ODAD4: variants seen among roughly 807,000 people sequenced by gnomAD.
ODAD4 encodes the protein outer dynein arm docking complex subunit 4.
In ODAD4, 49 loss-of-function variants were observed where a neutral mutation model predicts 51.8. The observed-to-expected ratio is 0.95, with a 90% confidence interval of 0.75 to 1.20. The LOEUF is 1.20. Ranked by LOEUF, ODAD4 falls within the 50% of genes most tolerant of loss-of-function variation. The pLI is 0.00. For synonymous variants in ODAD4, 235 were observed against 221.3 expected, an observed-to-expected ratio of 1.06 and a Z score of -0.55; for missense variants, 590 against 586.5, an observed-to-expected ratio of 1.01 and a Z score of -0.06.
At chr17:41,938,834 G>A in intron 6 of ODAD4, 53 bp downstream of exon 6, 1 of 1,591,252 alleles carries the variant, frequency 6.3e-7, no homozygotes. Context: ...CTTATCAGGT[G>A]GGGAAGGAGC....
intron 9 of ODAD4, among the ~76,000 whole-genome samples, chr17:41,954,195 C>G (rs372820633): frequency 7.2e-5 from 11 of 151,994 alleles, no homozygotes; most frequent in African/African-American, 2.7e-4. Flanking sequence ...CCATGTTGGC[C>G]AGGGTGGTCT....
At chr17:41,940,060 G>A (rs74553025) in intron 7 of ODAD4, among the ~76,000 whole-genome samples, 7,873 of 152,190 alleles carry the variant, frequency 0.052, 233 homozygotes, top group East Asian at 0.11. Context: ...ACTTCCACCC[G>A]GAGGTTCCAT....
intron 11 of ODAD4, among the ~76,000 whole-genome samples, chr17:41,961,772 G>A (rs1555641786): frequency 6.6e-6 from 1 of 152,192 alleles, no homozygotes; most frequent in Non-Finnish European, 1.5e-5. Context: ...TGGGGAGAGA[G>A]GCCCATCCCT....
intron 5 of ODAD4, among the ~76,000 whole-genome samples, chr17:41,937,310 T>C (rs2050442921): frequency 1.3e-5 from 2 of 152,238 alleles, no homozygotes; most frequent in East Asian, 3.8e-4. Context: ...TGTGCTTAAA[T>C]CCGAGGATAT....
chr17:41,953,977 G>T (rs1409282407), intron 9 of ODAD4, among the ~76,000 whole-genome samples: 4 of 150,448 alleles, frequency 2.7e-5, no homozygotes, highest in African/African-American at 9.8e-5. Context: ...ATGTATGTAT[G>T]TATTTATTTT....
chr17:41,936,063 C>T (rs539727698), intron 3 of ODAD4, among the ~76,000 whole-genome samples: 2 of 152,350 alleles, frequency 1.3e-5, no homozygotes, highest in Admixed American at 6.5e-5. Flanking sequence ...AGCTATAATG[C>T]GGTCCTGAGC....
intron 7 of ODAD4, among the ~76,000 whole-genome samples, chr17:41,939,955 A>G (rs4796743): frequency 0.88 from 134,420 of 152,164 alleles, 59,746 homozygotes; most frequent in East Asian, 1. Context: ...AGGATGAAAT[A>G]CAGAAGTACC....
chr17:41,939,224 G>A, intron 7 of ODAD4, 52 bp downstream of exon 7: 1 of 1,527,596 alleles, frequency 6.5e-7, no homozygotes, highest in South Asian at 1.2e-5. Flanking sequence ...AAGGACACCT[G>A]GGGCTATCTG....
At chr17:41,964,024 G>C (rs148682446) in intron 11 of ODAD4, among the ~76,000 whole-genome samples, 2 of 151,820 alleles carry the variant, frequency 1.3e-5, no homozygotes, top group African/African-American at 4.8e-5. Flanking sequence ...AGCCTCCTGA[G>C]TAGCTGGGAC....
intron 11 of ODAD4, among the ~76,000 whole-genome samples, chr17:41,963,772 C>CT (rs544280636): frequency 0.038 from 4,396 of 115,216 alleles, 393 homozygotes; most frequent in African/African-American, 0.084. Flanking sequence ...GCCACTGTGC[C>CT]TTTTTTTTTT....
At chr17:41,964,557 T>C (rs1354330060) in intron 11 of ODAD4, among the ~76,000 whole-genome samples, 1 of 152,226 alleles carries the variant, frequency 6.6e-6, no homozygotes, top group Non-Finnish European at 1.5e-5. Context: ...TTTAAAGAGC[T>C]GGCAAAAACA....
chr17:41,937,621 C>T (rs2050446328), intron 5 of ODAD4, among the ~76,000 whole-genome samples: 1 of 152,234 alleles, frequency 6.6e-6, no homozygotes. Flanking sequence ...TAGGCGCCCA[C>T]AACCACATCC....
At chr17:41,930,956 C>T (rs1055216620) in intron 1 of ODAD4, 119 bp downstream of exon 1, 7 of 598,236 alleles carry the variant, frequency 1.2e-5, no homozygotes, top group South Asian at 1.0e-4. Context: ...TGCAATGGCA[C>T]GATCTCGGCT....
chr17:41,944,391 T>TACACACACACACACACACAC (rs1158342629), intron 7 of ODAD4, among the ~76,000 whole-genome samples: 4 of 78,704 alleles, frequency 5.1e-5, no homozygotes, highest in Non-Finnish European at 7.0e-5. Context: ...CAAACACACA[T>TACACACACACACACACACAC]ACACACACAC....
intron 7 of ODAD4, among the ~76,000 whole-genome samples, chr17:41,944,436 ACACACACAC>A (rs1165232174): frequency 7.7e-3 from 31 of 4,048 alleles, no homozygotes; most frequent in African/African-American, 0.014. Context: ...ACACACACAC[ACACACACAC>A]CCCCCCGCAT....
intron 11 of ODAD4, among the ~76,000 whole-genome samples, chr17:41,963,791 A>C (rs1335279565): frequency 8.8e-6 from 1 of 113,678 alleles, no homozygotes; most frequent in Admixed American, 9.2e-5. Context: ...TTTGAAATGG[A>C]GTCTCCCCTC....
At chr17:41,945,032 G>T in intron 7 of ODAD4, 104 bp from the exon 8 acceptor site, 1 of 871,718 alleles carries the variant, frequency 1.1e-6, no homozygotes, top group South Asian at 1.6e-5. Context: ...CTGAAACCCT[G>T]AGTTTCTGAG....
chr17:41,951,473 TC>T (rs1191442558), intron 9 of ODAD4, among the ~76,000 whole-genome samples: 2 of 151,574 alleles, frequency 1.3e-5, no homozygotes, highest in African/African-American at 4.8e-5. Context: ...GGCGTCTCAC[TC>T]TGTTGCCCAG....
At chr17:41,938,162 G>A (rs1035172377) in intron 5 of ODAD4, among the ~76,000 whole-genome samples, 1 of 152,240 alleles carries the variant, frequency 6.6e-6, no homozygotes, top group Non-Finnish European at 1.5e-5. Context: ...CTTCCAGCAT[G>A]CACAGGCCCA....
Sources: allele counts gnomAD v4.1 joint callset (sites outside exome capture counted in the v4.1 genomes callset), GRCh38; gene constraint gnomAD v4.1.1; transcripts MANE v1.5; gene names NCBI Gene and HGNC (gene_info 2026-07-23, HGNC 2026-07-21).